The following ONECUT3 variants were observed in gnomAD, a reference collection of about 807,000 sequenced individuals.
ONECUT3 encodes one cut domain family member 3.
A neutral mutation model predicts 16.8 loss-of-function variants in ONECUT3; 11 were observed. The observed-to-expected ratio is 0.66, with a 90% CI of 0.41 to 1.09. The LOEUF (loss-of-function observed/expected upper bound fraction) is 1.09, where lower values mean the gene tolerates loss of function less well. ONECUT3 is among the 50% of genes least tolerant of loss of function. The probability of loss-of-function intolerance (pLI) is 0.00; values close to 1 mark genes in which losing one functional copy is unlikely to be tolerated. For missense variants in ONECUT3, 637 were observed against 629.9 expected (o/e 1.01, Z -0.12); for synonymous variants, 344 against 310.7 (o/e 1.11, Z -1.13).
At position 1,758,938 on chromosome 19, in the gene ONECUT3, T is replaced by A. The variant is rs2067932303; in HGVS notation, c.1192+4084T>A. Among the ~76,000 whole-genome samples the A allele has an allele frequency of 6.6e-6, 1 of 152,126 alleles. No individual in the cohort carries two copies. The highest frequency in any genetic ancestry group is 2.1e-4 in the South Asian group (1 of 4,826). ...TGTAACTGATCAGAAAAAAAATACG[T>A]ATATAGATAATACAAAGTTAGATGG... is the stretch of plus-strand genomic sequence containing the variant. On this transcript the variant is annotated intron_variant, in intron 1 of 1. Coordinates refer to ENST00000382349, the MANE Select transcript of ONECUT3 (RefSeq NM_001080488.2). This position sits in a 1 kb window ranked among gnomAD's most constrained non-coding sequence, Gnocchi z 5.9.
At chr19:1,769,269 T>C (rs2068031623) in intron 1 of ONECUT3, among the ~76,000 whole-genome samples, 1 of 151,554 alleles carries the variant, frequency 6.6e-6, no homozygotes, top group South Asian at 2.1e-4. Context: ...GAGGAGGTGC[T>C]GGAGTTGGAG....
At position 1,777,377 on chromosome 19, in the gene ONECUT3, CAG is replaced by C. The variant is rs201654727; in HGVS notation, c.*1936_*1937del. On this transcript the variant is annotated 3_prime_UTR_variant, in exon 2 of 2. Transcript: ENST00000382349. ...ATGCACACACACGTGCACACACATG[CAG>C]AGACATGCAGACACGCAGGCACACA... 1,600 of 152,494 alleles carry C rather than the reference CAG, an allele frequency of 0.01. 29 individuals carry two copies. Among genetic ancestry groups the C allele is most frequent in the African/African-American group, 0.036 (1,507 of 41,558 alleles). The allele number at this position is 152,494 out of a possible 1,614,324, so 9.4% of individuals were successfully genotyped here. A position where few individuals can be genotyped will look rare whatever the true frequency, so the allele number is the denominator to read the frequency against.
chr19:1,757,396 G>C (rs1460731822), intron 1 of ONECUT3, among the ~76,000 whole-genome samples: 1 of 152,386 alleles, frequency 6.6e-6, no homozygotes, highest in East Asian at 1.9e-4. Flanking sequence ...TTCCTGTCGA[G>C]GAAGGGAGAG....
chr19:1,774,997 C>G (rs1490898699), intron 1 of ONECUT3, among the ~76,000 whole-genome samples, 156 bp from the exon 2 acceptor site: 1 of 152,094 alleles, frequency 6.6e-6, no homozygotes, highest in African/African-American at 2.4e-5. Flanking sequence ...TGCTTCTGGG[C>G]TCTCCCTGGG....
At chr19:1,763,963 A>G (rs1292054845) in intron 1 of ONECUT3, among the ~76,000 whole-genome samples, 3 of 151,920 alleles carry the variant, frequency 2.0e-5, no homozygotes, top group Non-Finnish European at 4.4e-5. Context: ...TCCGGGGCGG[A>G]TCATTTTACG....
Position 1,759,893 on chromosome 19 carries a change from T to TG in ONECUT3, c.1192+5043dup, listed in dbSNP as rs943216385. 5.3e-5 allele frequency among the ~76,000 whole-genome samples: 8 copies of TG among 151,990 alleles called. No individual in the cohort carries two copies. Among genetic ancestry groups the TG allele is most frequent in the Non-Finnish European group, 1.0e-4 (7 of 67,988 alleles). On this transcript the variant is annotated intron_variant, in intron 1 of 1. Transcript: ENST00000382349. This position sits in a 1 kb window ranked among gnomAD's most constrained non-coding sequence, Gnocchi z 4.1. Reference sequence around the variant, plus strand: ...CAGGGCCACGAGAACCAGACCCACGTGGGGCTGCGCGCGAGACTCAGGTGA... The same window carrying TG: ...CAGGGCCACGAGAACCAGACCCACGTGGGGGCTGCGCGCGAGACTCAGGTGA...
chr19:1,757,138 G>GC (rs1229002340), intron 1 of ONECUT3, among the ~76,000 whole-genome samples: 1 of 151,736 alleles, frequency 6.6e-6, no homozygotes, highest in Non-Finnish European at 1.5e-5. Context: ...CCCATGGGGG[G>GC]GGGGTGGGCT....
chr19:1,764,496 C>A lies in ONECUT3; in HGVS notation c.1192+9642C>A, dbSNP rs1052854805. ...CCTGCTGAGGCCAAGGTGGGCTCCG[C>A]GTGAGATGTGGGCAGGGCAGGCATG... On this transcript the variant is annotated intron_variant, in intron 1 of 1. Coordinates refer to ENST00000382349, the MANE Select transcript of ONECUT3 (RefSeq NM_001080488.2). This position sits in a 1 kb window ranked among gnomAD's most constrained non-coding sequence, Gnocchi z 5.0. Among the ~76,000 whole-genome samples the A allele has an allele frequency of 1.3e-5, 2 of 151,734 alleles. No homozygotes were observed. Among genetic ancestry groups the A allele is most frequent in the Admixed American group, 6.6e-5 (1 of 15,250 alleles).
intron 1 of ONECUT3, among the ~76,000 whole-genome samples, chr19:1,761,400 G>T (rs967347731): frequency 6.6e-6 from 1 of 152,164 alleles, no homozygotes; most frequent in Non-Finnish European, 1.5e-5. Flanking sequence ...AGGGAGCTTT[G>T]CATGGCCACT....
rs1475640331 is a variant in ONECUT3, at chr19:1,755,002, G to C, written c.1192+148G>C. ...CCCGGGACCCCCTATCAGGAAGCTAGACCGCGATCCGCGCCGCTGCCCGTT... is the reference window on the plus strand; with the variant it reads ...CCCGGGACCCCCTATCAGGAAGCTACACCGCGATCCGCGCCGCTGCCCGTT... On this transcript the variant is annotated intron_variant, in intron 1 of 1. Coordinates refer to ENST00000382349, the MANE Select transcript of ONECUT3 (RefSeq NM_001080488.2). This position sits in a 1 kb window ranked among gnomAD's most constrained non-coding sequence, Gnocchi z 7.5. 5 of 1,109,784 alleles carry C rather than the reference G, an allele frequency of 4.5e-6. No homozygotes were observed. The highest frequency in any genetic ancestry group is 5.8e-6 in the Non-Finnish European group (5 of 862,900). The allele number at this position is 1,109,784 out of a possible 1,614,324, so 68.7% of individuals were successfully genotyped here. A position where few individuals can be genotyped will look rare whatever the true frequency, so the allele number is the denominator to read the frequency against.
In ONECUT3 at chr19:1,766,726, C is replaced by T. The variant is rs73515194; in HGVS notation, c.1193-8427C>T. ...CTACTGGCTTCCTGCTGAGGGCACT[C>T]GGGGAGCCCCACTGTCCCACCCGGC... is the stretch of plus-strand genomic sequence containing the variant. On this transcript the variant is annotated intron_variant, in intron 1 of 1. Coordinates refer to ENST00000382349, the MANE Select transcript of ONECUT3 (RefSeq NM_001080488.2). This position sits in a 1 kb window ranked among gnomAD's most constrained non-coding sequence, Gnocchi z 4.0. Among the ~76,000 whole-genome samples, 3,907 of 151,966 alleles carry T rather than the reference C, an allele frequency of 0.026. 161 individuals are homozygous for T. Among genetic ancestry groups the T allele is most frequent in the East Asian group, 0.18 (939 of 5,120 alleles).
chr19:1,755,786 G>A lies in ONECUT3; in HGVS notation c.1192+932G>A, dbSNP rs1167291956. On this transcript the variant is annotated intron_variant, in intron 1 of 1. Transcript: ENST00000382349. This position sits in a 1 kb window ranked among gnomAD's most constrained non-coding sequence, Gnocchi z 7.5. ...TCTCATACTCAGCCACCGGCCCCCT[G>A]GGGACCCTCCTCCCTCCTCCCTCCC... is the stretch of plus-strand genomic sequence containing the variant. Among the ~76,000 whole-genome samples the A allele has an allele frequency of 1.3e-5, 2 of 152,126 alleles. No individual in the cohort carries two copies. The highest frequency in any genetic ancestry group is 2.9e-5 in the Non-Finnish European group (2 of 68,016).
rs945400354 is a variant in ONECUT3, at chr19:1,775,611, C to T, written c.*166C>T. ...GAGGGGGAAGCAGCACACCCCCCAG[C>T]CCAAGTGCACAAAAAGGGCCCCCCT... On this transcript the variant is annotated 3_prime_UTR_variant, in exon 2 of 2. Transcript: ENST00000382349. 8.2e-6 allele frequency: 5 copies of T among 607,734 alleles called. No individual in the cohort carries two copies. Among genetic ancestry groups the T allele is most frequent in the Non-Finnish European group, 1.3e-5 (5 of 378,100 alleles). The allele number at this position is 607,734 out of a possible 1,614,324, so 37.6% of individuals were successfully genotyped here.
chr19:1,766,041 C>T lies in ONECUT3; in HGVS notation c.1193-9112C>T, dbSNP rs1369578773. 2.0e-5 allele frequency among the ~76,000 whole-genome samples: 3 copies of T among 152,264 alleles called. No individual in the cohort carries two copies. Among genetic ancestry groups the T allele is most frequent in the Non-Finnish European group, 4.4e-5 (3 of 68,050 alleles). ...CCTCATCCACCGCCCGTCCAAGGCCCCACAAGCTGATGCCGGTTTTCCCGC... is the reference window on the plus strand; with the variant it reads ...CCTCATCCACCGCCCGTCCAAGGCCTCACAAGCTGATGCCGGTTTTCCCGC... On this transcript the variant is annotated intron_variant, in intron 1 of 1. Transcript: ENST00000382349. The surrounding 1 kb of genome is among the most constrained non-coding windows in gnomAD (Gnocchi z 4.0).
rs551632954 is a variant in ONECUT3 at position 1,766,327 on chromosome 19, C to G, written c.1193-8826C>G. ...CCGCACGCGGCCAACGTCAGGCGCG[C>G]GCAGAGGCACCCACGGGCCCGCCTT... On this transcript the variant is annotated intron_variant, in intron 1 of 1. Transcript: ENST00000382349. The surrounding 1 kb of genome is among the most constrained non-coding windows in gnomAD (Gnocchi z 4.0). 6.6e-6 allele frequency among the ~76,000 whole-genome samples: 1 copy of G among 152,190 alleles called. No homozygotes were observed.
chr19:1,760,485 A>T (rs1243323929), intron 1 of ONECUT3, among the ~76,000 whole-genome samples: 1 of 151,702 alleles, frequency 6.6e-6, no homozygotes, highest in Non-Finnish European at 1.5e-5. Flanking sequence ...AGGTGGGGCC[A>T]GGTGACCGGC....
intron 1 of ONECUT3, among the ~76,000 whole-genome samples, chr19:1,774,211 G>T (rs1016891673): frequency 6.6e-6 from 1 of 152,174 alleles, no homozygotes; most frequent in Non-Finnish European, 1.5e-5. Flanking sequence ...TCAGATGTCG[G>T]AATTGGGCTG....
intron 1 of ONECUT3, among the ~76,000 whole-genome samples, chr19:1,767,677 C>A (rs1045001539): frequency 6.6e-6 from 1 of 152,214 alleles, no homozygotes; most frequent in Non-Finnish European, 1.5e-5. Flanking sequence ...GCGGCCACAT[C>A]CCCGGGACCT....
intron 1 of ONECUT3, among the ~76,000 whole-genome samples, chr19:1,763,130 G>A (rs1043504732): frequency 1.3e-5 from 2 of 151,920 alleles, no homozygotes; most frequent in East Asian, 1.9e-4. Flanking sequence ...TTGGGAGGCC[G>A]AGGTGGGTAG....
Sources: gnomAD v4.1 joint callset for allele counts (sites outside exome capture counted in the v4.1 genomes callset) on GRCh38, gnomAD v4.1.1 for gene constraint, Gnocchi (gnomAD v3.1) non-coding constraint, MANE v1.5 for transcripts, NCBI Gene and HGNC (gene_info 2026-07-23, HGNC 2026-07-21) for gene names.